STAC: variants seen among roughly 807,000 people sequenced by gnomAD.
The protein encoded by STAC is SH3 and cysteine-rich domain-containing protein.
Under a neutral mutation model 48.8 loss-of-function variants are expected in STAC, and 43 were observed. The ratio of observed to expected loss-of-function variants is 0.88; its 90% CI spans 0.69 to 1.14. STAC has a LOEUF of 1.14. Among genes scored for constraint, STAC ranks in the 50% most tolerant of loss-of-function variants. The pLI, the probability that STAC is intolerant of heterozygous loss-of-function variation, is 0.00. For synonymous variants in STAC, 193 were observed against 179.5 expected, an observed-to-expected ratio of 1.07 and a Z score of -0.60; for missense variants, 497 against 504.0, an observed-to-expected ratio of 0.99 and a Z score of 0.13.
intron 10 of STAC, among the ~76,000 whole-genome samples, chr3:36,544,073 CTT>C (rs1192204842): frequency 3.3e-5 from 5 of 152,146 alleles, no homozygotes; most frequent in Non-Finnish European, 7.3e-5. Context: ...AAAACACACT[CTT>C]TGGCAAATTA....
rs567482413 is a variant in STAC, at chr3:36,521,617, C to T, written c.921-7079C>T. On this transcript the variant is annotated intron_variant, in intron 8 of 10. Coordinates refer to ENST00000273183, the MANE Select transcript of STAC (RefSeq NM_003149.3). ...AGCTCCGAATCACACCAAATGTTAG[C>T]GTCTGAAGCCACTGAAGTCAAGGCT... Among the ~76,000 whole-genome samples the T allele has an allele frequency of 7.2e-5, 11 of 152,208 alleles. No homozygotes were observed. The East Asian group carries it at 9.7e-4, about 13-fold the overall frequency.
chr3:36,398,463 GGAA>G (rs1699920163), intron 1 of STAC, among the ~76,000 whole-genome samples: 1 of 109,966 alleles, frequency 9.1e-6, no homozygotes, highest in African/African-American at 3.4e-5. Context: ...AAGGAAGGAA[GGAA>G]GGAAGGAAGG....
chr3:36,449,302 G>GAA (rs1696616478), intron 2 of STAC, among the ~76,000 whole-genome samples: 1 of 151,926 alleles, frequency 6.6e-6, no homozygotes, highest in East Asian at 1.9e-4. Context: ...GCAGTGGGAC[G>GAA]AATGGATTGT....
intron 1 of STAC, among the ~76,000 whole-genome samples, chr3:36,393,366 C>T (rs1699791474): frequency 6.6e-6 from 1 of 151,974 alleles, no homozygotes; most frequent in South Asian, 2.1e-4. Context: ...TACTCTGAAC[C>T]GGTGCTTCTG....
At chr3:36,528,644 T>C (rs1048668765) in intron 8 of STAC, 52 bp from the exon 9 acceptor site, 20 of 1,421,254 alleles carry the variant, frequency 1.4e-5, no homozygotes, top group East Asian at 1.4e-4. Context: ...CTTTAAAGTA[T>C]GTTATTTTTC....
At chr3:36,545,476 G>A (rs1575276869) in intron 10 of STAC, among the ~76,000 whole-genome samples, 2 of 152,266 alleles carry the variant, frequency 1.3e-5, no homozygotes, top group East Asian at 3.9e-4. Context: ...CCTAAGACAA[G>A]GCCTGTCATC....
intron 6 of STAC, among the ~76,000 whole-genome samples, chr3:36,502,838 G>T (rs932366578): frequency 1.1e-4 from 17 of 152,156 alleles, no homozygotes; most frequent in Non-Finnish European, 2.2e-4. Context: ...ATAGAACCGG[G>T]CCTTCGTTTT....
At position 36,528,929 on chromosome 3, in the gene STAC, G is replaced by C; in HGVS notation, c.1054G>C (p.Val352Leu). 1 of 1,613,716 alleles carries C rather than the reference G, an allele frequency of 6.2e-7. No homozygotes were observed. The highest frequency in any genetic ancestry group is 8.5e-7 in the Non-Finnish European group (1 of 1,179,814). ...LQQNEKIFRC[V>L]RTFIGCKEQG... ...ACAAAATGAGAAGATTTTTAGATGT[G>C]TTAGAACCTTCATTGGGTGTAAGGA... The change falls in exon 10 of 11, where the codon GTT (valine) becomes CTT (leucine). Residue 352 changes from valine (V) to leucine (L), a missense_variant. Coordinates refer to ENST00000273183, the MANE Select transcript of STAC (RefSeq NM_003149.3).
chr3:36,456,366 CTGAG>C (rs1696855151), intron 2 of STAC, among the ~76,000 whole-genome samples: 3 of 152,098 alleles, frequency 2.0e-5, no homozygotes, highest in African/African-American at 2.4e-5. Context: ...GGAATTCCTT[CTGAG>C]TATCTATTTT....
intron 10 of STAC, among the ~76,000 whole-genome samples, chr3:36,535,914 T>C (rs533497994): frequency 5.4e-4 from 83 of 152,314 alleles, no homozygotes; most frequent in Non-Finnish European, 7.4e-4. Flanking sequence ...ATCAGGGATA[T>C]TGGCCTGAAG....
At chr3:36,526,256 C>G (rs923198034) in intron 8 of STAC, among the ~76,000 whole-genome samples, 1 of 152,140 alleles carries the variant, frequency 6.6e-6, no homozygotes, top group Non-Finnish European at 1.5e-5. Flanking sequence ...TTCACCCCCC[C>G]TCCCCATATT....
intron 1 of STAC, among the ~76,000 whole-genome samples, chr3:36,436,258 G>GC (rs1259586223): frequency 1.3e-5 from 2 of 152,092 alleles, no homozygotes; most frequent in Non-Finnish European, 1.5e-5. Flanking sequence ...CAGGATTATC[G>GC]CAAGAGTCTC....
intron 8 of STAC, among the ~76,000 whole-genome samples, chr3:36,510,313 G>A (rs1698504538): frequency 6.6e-6 from 1 of 152,166 alleles, no homozygotes; most frequent in African/African-American, 2.4e-5. Context: ...AACAGATGCT[G>A]GAGAGGATGT....
At chr3:36,444,404 C>A (rs148500441) in intron 2 of STAC, among the ~76,000 whole-genome samples, 1 of 152,190 alleles carries the variant, frequency 6.6e-6, no homozygotes, top group Non-Finnish European at 1.5e-5. Context: ...ATCTTCAGAT[C>A]AGCTGAGATT....
At chr3:36,511,387 C>T (rs1240302816) in intron 8 of STAC, among the ~76,000 whole-genome samples, 2 of 152,152 alleles carry the variant, frequency 1.3e-5, no homozygotes, top group Non-Finnish European at 2.9e-5. Context: ...ATGTGGTGTT[C>T]ACTGGCCTAT....
At chr3:36,496,806 C>A (rs779746625) in intron 6 of STAC, among the ~76,000 whole-genome samples, 4 of 152,188 alleles carry the variant, frequency 2.6e-5, no homozygotes, top group Non-Finnish European at 5.9e-5. Context: ...CTGCCTATTT[C>A]AGCTCCAAAT....
intron 1 of STAC, among the ~76,000 whole-genome samples, chr3:36,400,288 C>T (rs1399713717): frequency 6.6e-6 from 1 of 152,212 alleles, no homozygotes; most frequent in Non-Finnish European, 1.5e-5. Context: ...ACTTGCTGCT[C>T]AGCTACTGTC....
At chr3:36,481,967 T>C (rs892637275) in intron 2 of STAC, among the ~76,000 whole-genome samples, 3 of 152,194 alleles carry the variant, frequency 2.0e-5, no homozygotes, top group African/African-American at 7.2e-5. Context: ...ATAAGACTGA[T>C]AGTGCCTCAA....
intron 6 of STAC, among the ~76,000 whole-genome samples, chr3:36,503,680 G>T (rs900983838): frequency 1.3e-5 from 2 of 152,030 alleles, no homozygotes; most frequent in Non-Finnish European, 2.9e-5. Flanking sequence ...TGATCTACCC[G>T]CCTCGGCCTC....
Sources: gnomAD v4.1 joint callset for allele counts (sites outside exome capture counted in the v4.1 genomes callset) on GRCh38, gnomAD v4.1.1 for gene constraint, MANE v1.5 for transcripts, NCBI Gene and HGNC (gene_info 2026-07-23, HGNC 2026-07-21) for gene names.